The following DPP6 variants were observed in gnomAD, a reference collection of about 807,000 sequenced individuals.
DPP6 encodes dipeptidyl peptidase like 6.
DPP6 carries 69 observed loss-of-function variants against 122.6 expected under a neutral mutation model. The observed-to-expected ratio is 0.56, with a 90% confidence interval of 0.46 to 0.69. The LOEUF (loss-of-function observed/expected upper bound fraction) is 0.69, where lower values mean the gene tolerates loss of function less well. Ranked by LOEUF, DPP6 falls within the 30% of genes least tolerant of loss-of-function variation. The pLI, the probability that DPP6 is intolerant of heterozygous loss-of-function variation, is 0.00. For missense variants in DPP6, 928 were observed against 1,116.9 expected (o/e 0.83, Z 2.41); for synonymous variants, 418 against 433.1 (o/e 0.97, Z 0.43).
intron 3 of DPP6, among the ~76,000 whole-genome samples, chr7:154,522,871 T>C (rs1013876550): frequency 1.1e-4 from 16 of 152,196 alleles, no homozygotes; most frequent in African/African-American, 3.6e-4. Flanking sequence ...CTTCGGTATC[T>C]CCCACTTCCT....
rs115270271 is a variant in DPP6, at chr7:154,356,229, T to G, written c.244-89985T>G. Among the ~76,000 whole-genome samples the G allele has an allele frequency of 4.7e-3, 713 of 152,360 alleles. 5 individuals carry two copies. The highest frequency in any genetic ancestry group is 0.016 in the African/African-American group (677 of 41,592). On this transcript the variant is annotated intron_variant, in intron 1 of 25. Transcript: ENST00000377770. ...ATTTTATATTGACTTTGCATTTTCT[T>G]AGTCCTTACTTAAAACTTGGCATTT... is the stretch of plus-strand genomic sequence containing the variant.
intron 3 of DPP6, among the ~76,000 whole-genome samples, chr7:154,507,631 T>C (rs1825761324): frequency 6.6e-6 from 1 of 152,104 alleles, no homozygotes; most frequent in South Asian, 2.1e-4. Flanking sequence ...AAGTCAGTTA[T>C]GTGAGGAAGC....
At chr7:154,723,842 T>G (rs537027229) in intron 7 of DPP6, among the ~76,000 whole-genome samples, 11 of 152,336 alleles carry the variant, frequency 7.2e-5, no homozygotes, top group African/African-American at 1.2e-4. Context: ...CCACTCTTGG[T>G]CCGCATGCCT....
rs776973337 is a variant in DPP6 at position 154,483,057 on chromosome 7, C to T, written c.457+8020C>T. ...GAGCCATCTGGAGGACCATGGAAAG[C>T]GTGGGTTGTGGAGGTACTGCTCAGA... On this transcript the variant is annotated intron_variant, in intron 3 of 25. Coordinates refer to ENST00000377770, the MANE Select transcript of DPP6 (RefSeq NM_130797.4). This position sits in a 1 kb window ranked among gnomAD's most constrained non-coding sequence, Gnocchi z 8.1. Among the ~76,000 whole-genome samples the T allele has an allele frequency of 1.6e-4, 24 of 150,826 alleles. No homozygotes were observed. The highest frequency in any genetic ancestry group is 2.8e-4 in the Non-Finnish European group (19 of 67,730).
intron 1 of DPP6, among the ~76,000 whole-genome samples, chr7:154,425,621 G>GGTGGGTGTGT (rs775417561): frequency 7.4e-5 from 9 of 121,460 alleles, no homozygotes; most frequent in African/African-American, 3.8e-4. Flanking sequence ...TGTGTGTGTG[G>GGTGGGTGTGT]GTGTGTGTGT....
In DPP6 at chr7:154,027,745, A is replaced by C. The variant is rs550729559; in HGVS notation, c.51+140011A>C. Among the ~76,000 whole-genome samples, 20 of 151,710 alleles carry C rather than the reference A, an allele frequency of 1.3e-4. No individual in the cohort carries two copies. In the South Asian group the frequency reaches 3.8e-3, roughly 29 times the overall value. The stretch of plus-strand genomic sequence containing the variant: ...TTGTTCTCCCTGCTTGTTCTCGCTC[A>C]TCTGGGCAGGTGGTTTGTCCCTTCT... On this transcript the variant is annotated intron_variant, in intron 1 of 25. Coordinates refer to the DPP6 transcript ENST00000404039.
intron 2 of DPP6, among the ~76,000 whole-genome samples, chr7:154,459,820 A>AG (rs1554556231): frequency 1.3e-5 from 2 of 148,898 alleles, no homozygotes; most frequent in African/African-American, 4.9e-5. Flanking sequence ...AAAAAAAAAA[A>AG]AAAAGAAAAG....
intron 1 of DPP6, among the ~76,000 whole-genome samples, chr7:154,126,971 TC>T (rs1807938386): frequency 6.6e-6 from 1 of 152,152 alleles, no homozygotes; most frequent in Non-Finnish European, 1.5e-5. Context: ...GTTTTGCTCT[TC>T]CCACCCCTTC....
At chr7:154,354,097 G>A (rs773322217) in intron 1 of DPP6, among the ~76,000 whole-genome samples, 14 of 152,242 alleles carry the variant, frequency 9.2e-5, no homozygotes, top group Admixed American at 3.3e-4. Flanking sequence ...CCCTGGCTCC[G>A]TGAAATCAGG....
chr7:154,707,077 G>A (rs1467782428), intron 7 of DPP6, among the ~76,000 whole-genome samples: 2 of 152,230 alleles, frequency 1.3e-5, no homozygotes, highest in Admixed American at 6.5e-5. Context: ...AGTGGAAAAT[G>A]ATGTAATACA....
chr7:154,239,514 A>T (rs1028487860), intron 1 of DPP6, among the ~76,000 whole-genome samples: 2 of 152,196 alleles, frequency 1.3e-5, no homozygotes, highest in African/African-American at 4.8e-5. Flanking sequence ...GGATTTTTTA[A>T]TAACATTTCT....
At chr7:154,299,514 T>A (rs2150977349) in intron 1 of DPP6, among the ~76,000 whole-genome samples, 1 of 152,310 alleles carries the variant, frequency 6.6e-6, no homozygotes, top group African/African-American at 2.4e-5. Context: ...TGTGGGTTTT[T>A]TGTTGTTGTT....
intron 1 of DPP6, among the ~76,000 whole-genome samples, chr7:153,918,591 T>A (rs371244867): frequency 0.25 from 21,478 of 84,782 alleles, 1,460 homozygotes; most frequent in Non-Finnish European, 0.32. Context: ...TCTCTCTCTC[T>A]CTCTCTCTCT....
At chr7:154,141,148 G>A (rs1031218485) in intron 1 of DPP6, among the ~76,000 whole-genome samples, 2 of 152,188 alleles carry the variant, frequency 1.3e-5, no homozygotes, top group African/African-American at 4.8e-5. Flanking sequence ...GGGTGTGTGG[G>A]CTACTGTTGG....
intron 1 of DPP6, among the ~76,000 whole-genome samples, chr7:154,319,478 G>C (rs1807732433): frequency 1.3e-5 from 2 of 152,196 alleles, no homozygotes; most frequent in Admixed American, 6.5e-5. Context: ...TGGATTGCCT[G>C]AGGTCAGGAG....
At chr7:154,380,446 GA>G (rs1326650160) in intron 1 of DPP6, among the ~76,000 whole-genome samples, 1 of 152,226 alleles carries the variant, frequency 6.6e-6, no homozygotes, top group Non-Finnish European at 1.5e-5. Context: ...ATGAAGTGCA[GA>G]CAGGTGTTCA....
intron 1 of DPP6, among the ~76,000 whole-genome samples, chr7:154,015,295 G>A (rs574860180): frequency 4.6e-5 from 7 of 151,900 alleles, no homozygotes; most frequent in East Asian, 3.9e-4. Flanking sequence ...CTGTCTTCCC[G>A]CGTGACCTCT....
the DPP6 span, among the ~76,000 whole-genome samples, chr7:153,766,940 G>A: frequency 2.0e-5 from 3 of 152,120 alleles, no homozygotes; most frequent in African/African-American, 7.2e-5. Context: ...AAAAATCAGT[G>A]ACTGAGCTAT....
intron 1 of DPP6, among the ~76,000 whole-genome samples, chr7:153,978,701 C>A (rs948453683): frequency 3.9e-5 from 6 of 152,008 alleles, no homozygotes; most frequent in Non-Finnish European, 8.8e-5. Flanking sequence ...ACATTTAAAT[C>A]TTTATCTTAA....
Sources: allele counts gnomAD v4.1 joint callset (sites outside exome capture counted in the v4.1 genomes callset), GRCh38; gene constraint gnomAD v4.1.1; non-coding constraint Gnocchi (gnomAD v3.1); transcripts MANE v1.5; gene names NCBI Gene and HGNC (gene_info 2026-07-23, HGNC 2026-07-21).